Variants in DDX1 observed in about 807,000 individuals in gnomAD.
The protein encoded by DDX1 is ATP-dependent RNA helicase DDX1.
Under a neutral mutation model 108.7 loss-of-function variants are expected in DDX1, and 28 were observed. The observed-to-expected ratio is 0.26, with a 90% CI of 0.19 to 0.35. The LOEUF (loss-of-function observed/expected upper bound fraction) is 0.35. DDX1 is among the 10% of genes least tolerant of loss of function. The pLI is 1.00. For synonymous variants in DDX1, 295 were observed against 288.9 expected (o/e 1.02, Z -0.21); for missense variants, 710 against 884.5 (o/e 0.80, Z 2.50).
chr2:15,612,655 C>T (rs1665795419), intron 13 of DDX1, among the ~76,000 whole-genome samples: 1 of 151,884 alleles, frequency 6.6e-6, no homozygotes, highest in South Asian at 2.1e-4. Flanking sequence ...CCAAGGCAGG[C>T]GGCTGGGAGG....
chr2:15,616,830 A>C (rs1286467759), intron 14 of DDX1, among the ~76,000 whole-genome samples: 2 of 152,202 alleles, frequency 1.3e-5, no homozygotes, highest in African/African-American at 2.4e-5. Context: ...ATCTTGAAAA[A>C]GAGAAGGTAT....
intron 19 of DDX1, among the ~76,000 whole-genome samples, chr2:15,623,936 G>GAA (rs11405063): frequency 6.6e-6 from 1 of 151,428 alleles, no homozygotes; most frequent in Non-Finnish European, 1.5e-5. Context: ...GGGGAATGAG[G>GAA]AAAAAAAACC....
In DDX1 at chr2:15,627,063, A is replaced by G. The variant is rs1666110828; in HGVS notation, c.1604A>G (p.Lys535Arg). The change falls in exon 20 of 26, where the codon AAA (lysine) becomes AGA (arginine). Residue 535 changes from lysine (K) to arginine (R), a missense_variant. Lys to Arg is a conservative substitution (Grantham distance 26). Around this residue, in one of 3 missense-constraint regions of DDX1, gnomAD observed 661 missense variants for 810.2 expected, o/e 0.82. Coordinates refer to ENST00000233084, the MANE Select transcript of DDX1 (RefSeq NM_004939.3). ...YFIQQGGGPD[K>R]KGHQFSCVCL... ...ATGTGCTTTTCACTAGGACCTGATA[A>G]AAAAGGACACCAGTTCTCATGTGTT... The G allele has an allele frequency of 6.2e-7, 1 of 1,607,928 alleles. No individual in the cohort carries two copies. The highest frequency in any genetic ancestry group is 8.5e-7 in the Non-Finnish European group (1 of 1,177,084).
intron 15 of DDX1, among the ~76,000 whole-genome samples, chr2:15,617,824 T>C (rs1665926300): frequency 6.6e-6 from 1 of 152,204 alleles, no homozygotes; most frequent in South Asian, 2.1e-4. Flanking sequence ...CAAATCATTT[T>C]CAGGTTGGGT....
intron 10 of DDX1, among the ~76,000 whole-genome samples, chr2:15,605,176 A>G (rs1253665888): frequency 1.3e-5 from 2 of 152,176 alleles, no homozygotes; most frequent in East Asian, 3.9e-4. Context: ...TTAGTTTAAC[A>G]GTACCATTCT....
chr2:15,630,043 G>A lies in DDX1; in HGVS notation c.2025G>A (p.Pro675=), dbSNP rs762937956. The A allele has an allele frequency of 1.1e-5, 17 of 1,612,454 alleles. No homozygotes were observed. Among genetic ancestry groups the A allele is most frequent in the African/African-American group, 8.0e-5 (6 of 74,866 alleles). The stretch of plus-strand genomic sequence containing the variant: ...ACTGTACCATTTCTCAGGTTGAGCC[G>A]GATATAAAGGTACCAGTGGATGAAT... ...HLNCTISQVE[P]DIKVPVDEFD... Residue 675 remains proline, a synonymous_variant, in exon 25 of 26, where the codon CCG becomes CCA. Transcript: ENST00000233084.
rs201951630 is a variant in DDX1, at chr2:15,628,505, G to T, written c.1747G>T (p.Gly583Cys). ...DVAARGIDIHGVPYVINVTLP... is the reference protein window; with the variant it reads ...DVAARGIDIHCVPYVINVTLP... ...AGCTGCTAGAGGAATTGATATCCAC[G>T]GTGTTCCTTATGGTAAAAAGCAACT... Residue 583 changes from glycine (G) to cysteine (C), a missense_variant, in exon 21 of 26, where the codon GGT becomes TGT. Gly to Cys is a radical substitution (Grantham distance 159, BLOSUM62 -3). This residue lies in a region of DDX1 where 661 missense variants were observed against 810.2 expected (regional missense o/e 0.82). Transcript: ENST00000233084. 6.2e-7 allele frequency: 1 copy of T among 1,612,822 alleles called. No homozygotes were observed. The highest frequency in any genetic ancestry group is 1.3e-5 in the African/African-American group (1 of 75,016).
chr2:15,610,845 C>T (rs543708834), intron 13 of DDX1, among the ~76,000 whole-genome samples: 1 of 149,714 alleles, frequency 6.7e-6, no homozygotes, highest in South Asian at 2.2e-4. Flanking sequence ...GCTTTGTTTC[C>T]CACCTTCCCC....
At chr2:15,613,027 A>C (rs946305904) in intron 13 of DDX1, among the ~76,000 whole-genome samples, 197 bp from the exon 14 acceptor site, 3 of 139,822 alleles carry the variant, frequency 2.1e-5, no homozygotes, top group South Asian at 2.6e-4. Flanking sequence ...CCGTGGGGAG[A>C]GGGAGAGGGG....
chr2:15,602,398 A>T, intron 6 of DDX1, 150 bp from the exon 7 acceptor site: 1 of 593,952 alleles, frequency 1.7e-6, no homozygotes, highest in Non-Finnish European at 3.1e-6. Flanking sequence ...CTCAGGAATC[A>T]GTAAGTCTCA....
intron 20 of DDX1, chr2:15,627,347 T>A (rs1666117675): frequency 2.5e-6 from 1 of 397,084 alleles, no homozygotes; most frequent in African/African-American, 2.1e-5. Context: ...TCTATCAGCA[T>A]AACACTACTA....
intron 15 of DDX1, among the ~76,000 whole-genome samples, chr2:15,617,581 A>T (rs888012351): frequency 3.5e-4 from 53 of 152,262 alleles, no homozygotes; most frequent in African/African-American, 1.2e-3. Flanking sequence ...TATTTCCTGT[A>T]ATTGTACATA....
At chr2:15,592,918 GGGGGAGAATGGGGGGGT>G (rs1665438683) in intron 1 of DDX1, among the ~76,000 whole-genome samples, 1 of 132,436 alleles carries the variant, frequency 7.6e-6, no homozygotes, top group Non-Finnish European at 1.6e-5. Context: ...TCTTTTTTGG[GGGGGAGAATGGGGGGGT>G]GGGGGGATGT....
chr2:15,623,317 T>G (rs1558459163), intron 18 of DDX1, 119 bp from the exon 19 acceptor site: 2 of 864,882 alleles, frequency 2.3e-6, no homozygotes, highest in Non-Finnish European at 3.5e-6. Context: ...ATACTTTTAT[T>G]AAAACAAGTA....
chr2:15,599,431 C>T (rs553015286), intron 5 of DDX1, among the ~76,000 whole-genome samples: 6 of 151,936 alleles, frequency 3.9e-5, no homozygotes, highest in South Asian at 4.2e-4. Context: ...CTCAGCCTCC[C>T]GAGTAGCTGG....
intron 14 of DDX1, among the ~76,000 whole-genome samples, chr2:15,613,903 C>T (rs1665846967): frequency 7.2e-6 from 1 of 139,074 alleles, no homozygotes; most frequent in African/African-American, 2.7e-5. Context: ...ATGACATGTT[C>T]TCGGCTCATT....
chr2:15,599,763 T>C (rs970074575), intron 6 of DDX1, 47 bp downstream of exon 6: 9 of 1,330,552 alleles, frequency 6.8e-6, no homozygotes, highest in South Asian at 3.8e-5. Context: ...TCAGAAACTT[T>C]AAAAAATAAT....
At chr2:15,592,231 G>A (rs1047353432) in intron 1 of DDX1, among the ~76,000 whole-genome samples, 1 of 152,228 alleles carries the variant, frequency 6.6e-6, no homozygotes, top group Non-Finnish European at 1.5e-5. Flanking sequence ...ACCTTCGGCT[G>A]CAAAATCTAG....
At chr2:15,614,300 TC>T (rs1665857159) in intron 14 of DDX1, among the ~76,000 whole-genome samples, 1 of 152,214 alleles carries the variant, frequency 6.6e-6, no homozygotes, top group East Asian at 1.9e-4. Flanking sequence ...GTGTCCTTTC[TC>T]CAATTCCATT....
Sources: allele counts gnomAD v4.1 joint callset (sites outside exome capture counted in the v4.1 genomes callset), GRCh38; gene constraint gnomAD v4.1.1; regional missense constraint gnomAD v4.1.1; transcripts MANE v1.5; gene names NCBI Gene and HGNC (gene_info 2026-07-23, HGNC 2026-07-21).